Variants in ROBO2 observed in about 807,000 individuals in gnomAD.
ROBO2 encodes the protein roundabout guidance receptor 2.
ROBO2 carries 53 observed loss-of-function variants against 160.8 expected under a neutral mutation model. The ratio of observed to expected loss-of-function variants is 0.33; its 90% confidence interval spans 0.26 to 0.41. ROBO2 has a LOEUF of 0.41. Ranked by LOEUF, ROBO2 falls within the 10% of genes least tolerant of loss-of-function variation. The pLI, the probability that ROBO2 is intolerant of heterozygous loss-of-function variation, is 1.00. For missense variants in ROBO2, 1,577 were observed against 1,722.4 expected, an observed-to-expected ratio of 0.92 and a Z score of 1.49; for synonymous variants, 664 against 611.7, an observed-to-expected ratio of 1.09 and a Z score of -1.26.
chr3:76,277,520 C>T (rs1707997214), intron 2 of ROBO2, among the ~76,000 whole-genome samples: 2 of 151,868 alleles, frequency 1.3e-5, no homozygotes, highest in Non-Finnish European at 2.9e-5. Context: ...ATTAGGGATG[C>T]TCAGCTTTTG....
At chr3:75,986,492 G>T (rs1281555222) in intron 2 of ROBO2, among the ~76,000 whole-genome samples, 2 of 149,858 alleles carry the variant, frequency 1.3e-5, no homozygotes, top group African/African-American at 2.4e-5. Flanking sequence ...TCATTCTCTG[G>T]GTTGCCGTTT....
intron 2 of ROBO2, among the ~76,000 whole-genome samples, chr3:76,988,631 C>T (rs1316473028): frequency 6.6e-6 from 1 of 151,806 alleles, no homozygotes; most frequent in Non-Finnish European, 1.5e-5. Flanking sequence ...TCTTTATTTC[C>T]ACTTCAATTT....
At chr3:77,275,787 G>T (rs1221501564) in intron 2 of ROBO2, among the ~76,000 whole-genome samples, 1 of 152,098 alleles carries the variant, frequency 6.6e-6, no homozygotes, top group Non-Finnish European at 1.5e-5. Flanking sequence ...ACAGTTTGGT[G>T]TACAATATGA....
intron 2 of ROBO2, among the ~76,000 whole-genome samples, chr3:76,426,095 C>G (rs1023704727): frequency 6.6e-6 from 1 of 152,104 alleles, no homozygotes; most frequent in Non-Finnish European, 1.5e-5. Flanking sequence ...CGTTATAACA[C>G]AGGCAGAAAG....
intron 2 of ROBO2, among the ~76,000 whole-genome samples, chr3:76,605,872 A>G (rs1294915588): frequency 6.6e-6 from 1 of 152,128 alleles, no homozygotes; most frequent in Non-Finnish European, 1.5e-5. Context: ...TTCATTACAG[A>G]GAACCTTAAC....
chr3:77,224,595 T>A (rs2086244601), intron 2 of ROBO2, among the ~76,000 whole-genome samples: 1 of 151,976 alleles, frequency 6.6e-6, no homozygotes, highest in African/African-American at 2.4e-5. Flanking sequence ...TCCATATTAA[T>A]CCTAGGGTTT....
At chr3:76,950,266 T>C (rs2078876637) in intron 2 of ROBO2, among the ~76,000 whole-genome samples, 1 of 152,182 alleles carries the variant, frequency 6.6e-6, no homozygotes, top group Admixed American at 6.5e-5. Flanking sequence ...AAATAGTAAT[T>C]AGGGAATTCT....
chr3:75,976,115 A>T (rs2065126832), intron 2 of ROBO2, among the ~76,000 whole-genome samples: 1 of 151,616 alleles, frequency 6.6e-6, no homozygotes, highest in South Asian at 2.1e-4. Context: ...TATCCATGCA[A>T]ATGGGAACAG....
chr3:76,087,044 C>T (rs1296508355), intron 2 of ROBO2, among the ~76,000 whole-genome samples: 1 of 151,222 alleles, frequency 6.6e-6, no homozygotes, highest in African/African-American at 2.4e-5. Context: ...AAATGTGAAA[C>T]AACTAAAAAC....
At chr3:76,529,959 T>A (rs1331054567) in intron 2 of ROBO2, among the ~76,000 whole-genome samples, 1 of 152,190 alleles carries the variant, frequency 6.6e-6, no homozygotes, top group Non-Finnish European at 1.5e-5. Flanking sequence ...CTATGTAAGA[T>A]CTGCTCACTT....
chr3:76,474,506 A>G (rs866640501), intron 2 of ROBO2, among the ~76,000 whole-genome samples: 1 of 152,282 alleles, frequency 6.6e-6, no homozygotes, highest in African/African-American at 2.4e-5. Context: ...GTGGTAGAAA[A>G]GCAGTAATAA....
intron 2 of ROBO2, among the ~76,000 whole-genome samples, chr3:77,142,132 T>C (rs958420569): frequency 2.0e-5 from 3 of 152,178 alleles, no homozygotes; most frequent in Non-Finnish European, 4.4e-5. Flanking sequence ...CTCATATTTG[T>C]ATGAAAAGCT....
intron 2 of ROBO2, among the ~76,000 whole-genome samples, chr3:77,234,151 G>T (rs1464934333): frequency 6.6e-6 from 1 of 152,098 alleles, no homozygotes; most frequent in African/African-American, 2.4e-5. Context: ...GTCTGGGCTG[G>T]CTTAGGACAG....
chr3:77,550,911 G>A (rs1453631792), exon 8 of ROBO2: 2 of 1,612,948 alleles, frequency 1.2e-6, no homozygotes, highest in Non-Finnish European at 1.7e-6. Flanking sequence ...TCAACGTTCC[G>A]ACGCGGGTTA....
intron 5 of ROBO2, among the ~76,000 whole-genome samples, chr3:77,503,436 A>C (rs1337222573): frequency 6.6e-6 from 1 of 151,268 alleles, no homozygotes; most frequent in Non-Finnish European, 1.5e-5. Context: ...AGGCAGGAGA[A>C]TGGCGTCAAC....
At chr3:76,107,807 A>AT (rs909390505) in intron 2 of ROBO2, among the ~76,000 whole-genome samples, 3 of 151,854 alleles carry the variant, frequency 2.0e-5, no homozygotes, top group Non-Finnish European at 4.4e-5. Context: ...TATTTTTCTT[A>AT]TTTTTCCCAC....
intron 2 of ROBO2, among the ~76,000 whole-genome samples, chr3:76,896,617 T>G (rs2074800554): frequency 6.6e-6 from 1 of 152,132 alleles, no homozygotes; most frequent in Non-Finnish European, 1.5e-5. Context: ...GTTAAAAAAG[T>G]TAGTATTAGA....
intron 2 of ROBO2, among the ~76,000 whole-genome samples, chr3:75,981,215 G>T (rs2065265025): frequency 6.6e-6 from 1 of 151,420 alleles, no homozygotes; most frequent in South Asian, 2.1e-4. Context: ...AAGAAATTGG[G>T]CAAAATAATT....
chr3:76,942,573 G>A (rs2078261742), intron 2 of ROBO2, among the ~76,000 whole-genome samples: 1 of 152,088 alleles, frequency 6.6e-6, no homozygotes, highest in African/African-American at 2.4e-5. Flanking sequence ...TATATGCCTG[G>A]GGATGCTTTT....
Sources: gnomAD v4.1 joint callset for allele counts (sites outside exome capture counted in the v4.1 genomes callset) on GRCh38, gnomAD v4.1.1 for gene constraint, MANE v1.5 for transcripts, NCBI Gene and HGNC (gene_info 2026-07-23, HGNC 2026-07-21) for gene names.